The following LDAH variants were observed in gnomAD, a reference collection of about 807,000 sequenced individuals.
The protein encoded by LDAH is lipid droplet associated hydrolase.
In LDAH, 26 loss-of-function variants were observed where a neutral mutation model predicts 29.6. That is an observed-to-expected ratio of 0.88 (90% CI 0.64 to 1.22). LDAH has a LOEUF of 1.22. LDAH is among the 50% of genes most tolerant of loss of function. The pLI, the probability that LDAH is intolerant of heterozygous loss-of-function variation, is 0.00. For synonymous variants in LDAH, 117 were observed against 133.0 expected (o/e 0.88, Z 0.83); for missense variants, 344 against 387.3 (o/e 0.89, Z 0.94).
chr2:20,764,546 C>T (rs1186488720), intron 4 of LDAH, among the ~76,000 whole-genome samples: 6 of 152,206 alleles, frequency 3.9e-5, no homozygotes, highest in African/African-American at 1.4e-4. Context: ...TCTTTATCTC[C>T]TATGCTCCAG....
At chr2:20,766,404 G>C (rs1317940555) in intron 4 of LDAH, among the ~76,000 whole-genome samples, 1 of 152,126 alleles carries the variant, frequency 6.6e-6, no homozygotes, top group Non-Finnish European at 1.5e-5. Context: ...ATGTAGGTGT[G>C]GTTCACTATT....
At position 20,695,610 on chromosome 2, in the gene LDAH, C is replaced by A. The variant is rs542857173; in HGVS notation, c.786+5960G>T. On this transcript the variant is annotated intron_variant, in intron 6 of 6. Transcript: ENST00000237822. The stretch of plus-strand genomic sequence containing the variant: ...GACTATAGGCATGCACCACCATGCC[C>A]GGCTAATATTTGTATTTTTAGTGGA... Among the ~76,000 whole-genome samples, 6 of 151,926 alleles carry A rather than the reference C, an allele frequency of 3.9e-5. No homozygotes were observed. The East Asian group carries it at 5.8e-4, about 15-fold the overall frequency.
intron 5 of LDAH, among the ~76,000 whole-genome samples, chr2:20,726,576 G>GTTAT (rs1246937003): frequency 6.6e-6 from 1 of 152,302 alleles, no homozygotes; most frequent in East Asian, 1.9e-4. Flanking sequence ...TTCTTCAGCG[G>GTTAT]TTATTTATTT....
At chr2:20,710,606 G>GTATATATATATATATATATATATA (rs1467339981) in intron 5 of LDAH, among the ~76,000 whole-genome samples, 29 of 131,856 alleles carry the variant, frequency 2.2e-4, no homozygotes, top group African/African-American at 7.7e-4. Context: ...GTGTGTGTGT[G>GTATATATATATATATATATATATA]TATATATATA....
At chr2:20,778,448 T>G (rs183587010) in intron 3 of LDAH, among the ~76,000 whole-genome samples, 1 of 152,350 alleles carries the variant, frequency 6.6e-6, no homozygotes, top group Admixed American at 6.5e-5. Flanking sequence ...AAGCAGTCAT[T>G]AAAATTGCTT....
intron 1 of LDAH, 110 bp downstream of exon 1, chr2:20,822,927 A>C (rs1274046064): frequency 6.6e-6 from 1 of 152,288 alleles, no homozygotes; most frequent in Non-Finnish European, 1.5e-5. Flanking sequence ...GCCCAGGGCA[A>C]CAGGGGCTCT....
intron 4 of LDAH, among the ~76,000 whole-genome samples, chr2:20,748,239 T>G (rs577938852): frequency 3.3e-5 from 5 of 152,326 alleles, no homozygotes; most frequent in African/African-American, 1.2e-4. Context: ...TTCATGTGAA[T>G]TATATTCAGA....
intron 5 of LDAH, among the ~76,000 whole-genome samples, chr2:20,734,918 T>G (rs927435763): frequency 6.6e-6 from 1 of 152,226 alleles, no homozygotes; most frequent in Non-Finnish European, 1.5e-5. Context: ...AATTTTGGAT[T>G]AATAGTTATT....
At chr2:20,725,088 A>G (rs1251312537) in intron 5 of LDAH, among the ~76,000 whole-genome samples, 1 of 152,164 alleles carries the variant, frequency 6.6e-6, no homozygotes, top group African/African-American at 2.4e-5. Context: ...CTTTGATCTT[A>G]TTTAAAAGGT....
rs145224346 is a variant in LDAH, at chr2:20,719,946, C to T, written c.704-18294G>A. On this transcript the variant is annotated intron_variant, in intron 5 of 6. Transcript: ENST00000237822. ...CTCCATAATAAAAACTCTCAACAAA[C>T]GGGGTATAGAAAAAACATACCTCAA... 2.9e-3 allele frequency among the ~76,000 whole-genome samples: 434 copies of T among 152,096 alleles called. 1 individual carries two copies. Among genetic ancestry groups the T allele is most frequent in the African/African-American group, 7.4e-3 (309 of 41,516 alleles).
chr2:20,784,610 C>T (rs1407520932), intron 3 of LDAH, among the ~76,000 whole-genome samples: 1 of 151,912 alleles, frequency 6.6e-6, no homozygotes. Context: ...TTTGGCTGGG[C>T]ACAGTGGCTC....
chr2:20,747,634 T>TG (rs1667667442), intron 4 of LDAH, among the ~76,000 whole-genome samples: 1 of 152,174 alleles, frequency 6.6e-6, no homozygotes, highest in Non-Finnish European at 1.5e-5. Flanking sequence ...AGTATGCAGT[T>TG]TATAAACTGC....
Position 20,811,210 on chromosome 2 carries a change from G to A in LDAH, c.-2-9745C>T, listed in dbSNP as rs189222613. Among the ~76,000 whole-genome samples the A allele has an allele frequency of 3.9e-3, 587 of 151,982 alleles. 2 individuals carry two copies. The highest frequency in any genetic ancestry group is 0.014 in the African/African-American group (568 of 41,476). On this transcript the variant is annotated intron_variant, in intron 1 of 6. Transcript: ENST00000237822. ...TTTTTTTGTATTTTTAGTAGAGACG[G>A]GGTTTCACCGTGTTAGCCAGGATGG...
chr2:20,805,455 T>A (rs1482553336), intron 1 of LDAH, among the ~76,000 whole-genome samples: 1 of 152,208 alleles, frequency 6.6e-6, no homozygotes, highest in Non-Finnish European at 1.5e-5. Flanking sequence ...AACTCTTCCC[T>A]ACCTAAGAAT....
intron 4 of LDAH, among the ~76,000 whole-genome samples, chr2:20,752,591 C>CA (rs1668042325): frequency 6.6e-6 from 1 of 151,184 alleles, no homozygotes; most frequent in Non-Finnish European, 1.5e-5. Flanking sequence ...CTGAACAAGA[C>CA]AGATACACAG....
chr2:20,794,576 T>C lies in LDAH; in HGVS notation c.155-4178A>G, dbSNP rs145517331. On this transcript the variant is annotated intron_variant, in intron 2 of 6. Transcript: ENST00000237822. ...GACCAAGTGGGATTTATCACAGGAA[T>C]GCTGGATTGGTTTAACATTCAAAAA... Among the ~76,000 whole-genome samples the C allele has an allele frequency of 5.0e-3, 767 of 152,308 alleles. 7 individuals carry two copies. The highest frequency in any genetic ancestry group is 0.018 in the African/African-American group (729 of 41,584).
At chr2:20,694,461 T>C (rs370118971) in intron 6 of LDAH, among the ~76,000 whole-genome samples, 3 of 152,376 alleles carry the variant, frequency 2.0e-5, no homozygotes, top group Admixed American at 6.5e-5. Context: ...GCAGTCTTTC[T>C]GAGCCTCTGT....
chr2:20,821,511 C>G (rs1009901456), intron 1 of LDAH, among the ~76,000 whole-genome samples: 1 of 151,954 alleles, frequency 6.6e-6, no homozygotes, highest in Admixed American at 6.6e-5. Flanking sequence ...CAAACTATCG[C>G]AAGGACAAAA....
chr2:20,716,863 C>CTGTATAGTATTCCATGGTGTAGATGTGA (rs1665246034), intron 5 of LDAH, among the ~76,000 whole-genome samples: 1 of 91,418 alleles, frequency 1.1e-5, no homozygotes, highest in Non-Finnish European at 2.6e-5. Context: ...TTTTTTTTTC[C>CTGTATAGTATTCCATGGTGTAGATGTGA]CAGAGCCTCC....
Sources: gnomAD v4.1 joint callset for allele counts (sites outside exome capture counted in the v4.1 genomes callset) on GRCh38, gnomAD v4.1.1 for gene constraint, MANE v1.5 for transcripts, NCBI Gene and HGNC (gene_info 2026-07-23, HGNC 2026-07-21) for gene names.